The following TTC27 variants were observed in gnomAD, a reference collection of about 807,000 sequenced individuals.
TTC27 encodes tetratricopeptide repeat domain 27.
Under a neutral mutation model 115.9 loss-of-function variants are expected in TTC27, and 79 were observed. The ratio of observed to expected loss-of-function variants is 0.68; its 90% CI spans 0.57 to 0.82. The LOEUF (loss-of-function observed/expected upper bound fraction) is 0.82. Among genes scored for constraint, TTC27 ranks in the 40% least tolerant of loss-of-function variants. TTC27 has a pLI of 0.00. For synonymous variants in TTC27, 401 were observed against 356.0 expected, an observed-to-expected ratio of 1.13 and a Z score of -1.42; for missense variants, 1,054 against 993.1, an observed-to-expected ratio of 1.06 and a Z score of -0.82.
chr2:32,784,394 AT>A (rs1158533215), intron 15 of TTC27, among the ~76,000 whole-genome samples: 1 of 152,038 alleles, frequency 6.6e-6, no homozygotes, highest in Non-Finnish European at 1.5e-5. Context: ...AGCTAATGGG[AT>A]TGTTACTTCT....
intron 9 of TTC27, among the ~76,000 whole-genome samples, chr2:32,698,931 C>A (rs930966230): frequency 6.6e-6 from 1 of 152,102 alleles, no homozygotes; most frequent in Non-Finnish European, 1.5e-5. Flanking sequence ...AATATTATGT[C>A]CTTGGGAGCA....
intron 10 of TTC27, among the ~76,000 whole-genome samples, chr2:32,728,127 A>G (rs1206058314): frequency 1.5e-5 from 2 of 133,832 alleles, no homozygotes; most frequent in Middle Eastern, 4.5e-3. Context: ...TGCAAGCTCC[A>G]CCTCCCGGGT....
At chr2:32,746,520 A>C (rs2151921813) in intron 12 of TTC27, among the ~76,000 whole-genome samples, 1 of 128,576 alleles carries the variant, frequency 7.8e-6, no homozygotes, top group Non-Finnish European at 1.6e-5. Flanking sequence ...CTGAGATTGT[A>C]CCATTGCACT....
At chr2:32,793,707 G>T (rs1025204733) in intron 16 of TTC27, among the ~76,000 whole-genome samples, 1 of 152,024 alleles carries the variant, frequency 6.6e-6, no homozygotes, top group Middle Eastern at 3.2e-3. Flanking sequence ...ATTTTTAGTA[G>T]AGACGGGGTT....
At chr2:32,682,847 G>GTTTTTTTTTTTTTTT (rs70938360) in intron 9 of TTC27, among the ~76,000 whole-genome samples, 14 of 49,784 alleles carry the variant, frequency 2.8e-4, no homozygotes, top group African/African-American at 7.0e-4. Flanking sequence ...TTTTATTGTT[G>GTTTTTTTTTTTTTTT]TTTTTTTTTT....
chr2:32,725,547 C>G (rs1233824812), intron 10 of TTC27, among the ~76,000 whole-genome samples: 1 of 152,188 alleles, frequency 6.6e-6, no homozygotes, highest in Non-Finnish European at 1.5e-5. Context: ...AGGTGGGTTC[C>G]CATGGTCTTG....
chr2:32,771,147 C>T (rs913752906), intron 13 of TTC27, among the ~76,000 whole-genome samples: 1 of 152,140 alleles, frequency 6.6e-6, no homozygotes, highest in Non-Finnish European at 1.5e-5. Context: ...ATAACAAAGG[C>T]AAATCTCTTC....
chr2:32,764,357 T>A (rs1369056323), intron 13 of TTC27, among the ~76,000 whole-genome samples: 1 of 152,160 alleles, frequency 6.6e-6, no homozygotes, highest in African/African-American at 2.4e-5. Context: ...GTTGAGTTTA[T>A]GCTGTAGTCT....
intron 13 of TTC27, among the ~76,000 whole-genome samples, chr2:32,764,661 A>G (rs889198845): frequency 1.3e-5 from 2 of 152,202 alleles, no homozygotes; most frequent in African/African-American, 2.4e-5. Flanking sequence ...GTAGCATACA[A>G]TGGTGTTTGA....
chr2:32,727,021 A>G (rs1430797377), intron 10 of TTC27, among the ~76,000 whole-genome samples: 1 of 152,138 alleles, frequency 6.6e-6, no homozygotes, highest in East Asian at 1.9e-4. Context: ...TGCCCCCGTG[A>G]TTCAATTACC....
At chr2:32,782,563 G>T in intron 14 of TTC27, 63 bp from the exon 15 acceptor site, 1 of 1,451,682 alleles carries the variant, frequency 6.9e-7, no homozygotes, top group Non-Finnish European at 9.6e-7. Context: ...TTGTACTTTT[G>T]GTTTAAGCAA....
At chr2:32,700,532 C>A (rs1191861742) in intron 9 of TTC27, among the ~76,000 whole-genome samples, 1 of 151,972 alleles carries the variant, frequency 6.6e-6, no homozygotes, top group Non-Finnish European at 1.5e-5. Flanking sequence ...AAAGTCTTTT[C>A]CTTTGAAAAA....
Position 32,650,217 on chromosome 2 carries a change from A to G in TTC27, c.624A>G (p.Glu208=). 3 of 1,613,780 alleles carry G rather than the reference A, an allele frequency of 1.9e-6. No homozygotes were observed. The highest frequency in any genetic ancestry group is 2.5e-6 in the Non-Finnish European group (3 of 1,179,822). ...CACCTCTGCTTTTTACTCTTGCCGA[A>G]AACTGTATTGATCAAGGTATGTAGC... ...ERSPLLFTLA[E]NCIDQVMKLQ... The change falls in exon 5 of 20, where the codon GAA becomes GAG. Residue 208 remains glutamate (E), a synonymous_variant. Coordinates refer to ENST00000317907, the MANE Select transcript of TTC27 (RefSeq NM_017735.5).
chr2:32,732,880 T>A (rs150600363), intron 10 of TTC27, among the ~76,000 whole-genome samples: 9 of 152,320 alleles, frequency 5.9e-5, no homozygotes, highest in African/African-American at 2.2e-4. Context: ...AAAGAAAATT[T>A]GAGTACTGCA....
At chr2:32,660,704 C>T (rs1172333504) in intron 5 of TTC27, among the ~76,000 whole-genome samples, 1 of 152,150 alleles carries the variant, frequency 6.6e-6, no homozygotes, top group Non-Finnish European at 1.5e-5. Context: ...AAACTTTTCT[C>T]CCATTCTGTA....
At chr2:32,746,824 A>C (rs1167104129) in intron 12 of TTC27, among the ~76,000 whole-genome samples, 1 of 152,158 alleles carries the variant, frequency 6.6e-6, no homozygotes, top group African/African-American at 2.4e-5. Flanking sequence ...ACATTTTGGA[A>C]AGAGTGAAGA....
intron 2 of TTC27, among the ~76,000 whole-genome samples, chr2:32,633,351 A>G (rs556710494): frequency 6.6e-6 from 1 of 152,350 alleles, no homozygotes; most frequent in South Asian, 2.1e-4. Flanking sequence ...TATTAATTTT[A>G]ACTAATGCAA....
At chr2:32,693,946 TA>T (rs1280195390) in intron 9 of TTC27, among the ~76,000 whole-genome samples, 4 of 149,358 alleles carry the variant, frequency 2.7e-5, no homozygotes, top group Non-Finnish European at 6.0e-5. Context: ...ATAAAACTAA[TA>T]AATAAAATGA....
At chr2:32,630,868 C>T (rs1305653497) in intron 2 of TTC27, among the ~76,000 whole-genome samples, 168 bp downstream of exon 2, 1 of 152,158 alleles carries the variant, frequency 6.6e-6, no homozygotes, top group African/African-American at 2.4e-5. Context: ...GAAGTCCATC[C>T]AGAATGAAGA....
Sources: gnomAD v4.1 joint callset for allele counts (sites outside exome capture counted in the v4.1 genomes callset) on GRCh38, gnomAD v4.1.1 for gene constraint, MANE v1.5 for transcripts, NCBI Gene and HGNC (gene_info 2026-07-23, HGNC 2026-07-21) for gene names.